TMEM135: variants seen among roughly 807,000 people sequenced by gnomAD.
TMEM135 encodes transmembrane protein 135.
In TMEM135, 30 loss-of-function variants were observed where a neutral mutation model predicts 60.3. That is an observed-to-expected ratio of 0.50 (90% CI 0.37 to 0.68). The LOEUF (loss-of-function observed/expected upper bound fraction) is 0.68, where lower values mean the gene tolerates loss of function less well. TMEM135 is among the 30% of genes least tolerant of loss of function. TMEM135 has a pLI of 0.00. For synonymous variants in TMEM135, 190 were observed against 186.7 expected (o/e 1.02, Z -0.14); for missense variants, 468 against 548.8 (o/e 0.85, Z 1.47).
intron 6 of TMEM135, chr11:87,258,789 C>T: frequency 1.8e-6 from 1 of 547,632 alleles, no homozygotes; most frequent in Non-Finnish European, 3.3e-6. Flanking sequence ...ATCAGCAGTT[C>T]AAACACAATT....
intron 7 of TMEM135, among the ~76,000 whole-genome samples, chr11:87,296,278 A>G (rs1359279715): frequency 6.6e-6 from 1 of 152,366 alleles, no homozygotes; most frequent in African/African-American, 2.4e-5. Flanking sequence ...CAATTGGCAC[A>G]TAGTATATAC....
chr11:87,057,182 A>G (rs1443566718), intron 1 of TMEM135, among the ~76,000 whole-genome samples: 3 of 152,160 alleles, frequency 2.0e-5, no homozygotes, highest in East Asian at 1.9e-4. Context: ...TAACTTAAGT[A>G]TATTTTTATT....
intron 5 of TMEM135, among the ~76,000 whole-genome samples, chr11:87,221,054 T>G (rs1940608518): frequency 6.6e-6 from 1 of 152,200 alleles, no homozygotes; most frequent in Admixed American, 6.5e-5. Context: ...TCATAAAGTT[T>G]AAGGTAATTT....
At chr11:87,120,668 G>C (rs369496039) in intron 4 of TMEM135, among the ~76,000 whole-genome samples, 2 of 151,830 alleles carry the variant, frequency 1.3e-5, no homozygotes, top group Admixed American at 6.6e-5. Flanking sequence ...GGGCTTCACC[G>C]TGTTGGCCAG....
chr11:87,275,528 C>T (rs1164396495), intron 6 of TMEM135, among the ~76,000 whole-genome samples: 1 of 152,052 alleles, frequency 6.6e-6, no homozygotes, highest in Non-Finnish European at 1.5e-5. Flanking sequence ...AAGTATTTGT[C>T]TGGCAGGATA....
At chr11:87,171,958 C>A (rs556160) in intron 5 of TMEM135, among the ~76,000 whole-genome samples, 3 of 152,120 alleles carry the variant, frequency 2.0e-5, no homozygotes, top group Non-Finnish European at 2.9e-5. Flanking sequence ...CAGTAATGCT[C>A]GCTTGCTTGC....
intron 5 of TMEM135, among the ~76,000 whole-genome samples, chr11:87,210,736 T>C (rs901775220): frequency 6.6e-6 from 1 of 152,160 alleles, no homozygotes; most frequent in Admixed American, 6.5e-5. Context: ...TGAATATAGA[T>C]GCAAAAATCC....
intron 6 of TMEM135, among the ~76,000 whole-genome samples, chr11:87,246,671 C>T (rs1432981034): frequency 2.7e-5 from 4 of 148,528 alleles, no homozygotes; most frequent in East Asian, 1.9e-4. Context: ...GCATTCTTCA[C>T]GTAGTTCTCG....
At chr11:87,308,808 CTT>C (rs1051404883) in intron 9 of TMEM135, among the ~76,000 whole-genome samples, 4 of 152,142 alleles carry the variant, frequency 2.6e-5, no homozygotes, top group African/African-American at 9.7e-5. Context: ...CTCCAAATCT[CTT>C]TTGCACTATG....
intron 4 of TMEM135, among the ~76,000 whole-genome samples, chr11:87,142,326 G>A (rs1210984685): frequency 6.6e-6 from 1 of 152,184 alleles, no homozygotes; most frequent in Non-Finnish European, 1.5e-5. Flanking sequence ...GGAGAGCCTC[G>A]CTTGAGGGCA....
chr11:87,148,453 G>A (rs1481016287), intron 4 of TMEM135, among the ~76,000 whole-genome samples: 1 of 152,136 alleles, frequency 6.6e-6, no homozygotes, highest in Non-Finnish European at 1.5e-5. Context: ...ATTGAATTTG[G>A]TATTCTTCTT....
At chr11:87,079,103 T>C (rs1856932370) in intron 3 of TMEM135, among the ~76,000 whole-genome samples, 1 of 152,124 alleles carries the variant, frequency 6.6e-6, no homozygotes, top group African/African-American at 2.4e-5. Flanking sequence ...CCTGCCTGGT[T>C]CAAGCAATTC....
At chr11:87,063,959 C>A (rs1856593686) in intron 1 of TMEM135, among the ~76,000 whole-genome samples, 1 of 151,944 alleles carries the variant, frequency 6.6e-6, no homozygotes, top group African/African-American at 2.4e-5. Context: ...AGTAAAATAC[C>A]CGGGAATGGA....
At chr11:87,198,513 C>G (rs571948956) in intron 5 of TMEM135, among the ~76,000 whole-genome samples, 1 of 147,308 alleles carries the variant, frequency 6.8e-6, no homozygotes, top group Admixed American at 6.9e-5. Flanking sequence ...CCTCTCCTCC[C>G]CGCTCTGTTT....
intron 1 of TMEM135, among the ~76,000 whole-genome samples, chr11:87,056,048 A>C (rs1241235485): frequency 2.6e-5 from 4 of 152,168 alleles, no homozygotes; most frequent in Admixed American, 6.5e-5. Flanking sequence ...CAATGCTTGT[A>C]TATAGGGGGA....
chr11:87,131,911 C>A (rs551031486), intron 4 of TMEM135, among the ~76,000 whole-genome samples: 4 of 151,996 alleles, frequency 2.6e-5, no homozygotes, highest in Non-Finnish European at 4.4e-5. Flanking sequence ...TCAGTGACAG[C>A]GTTAGGTTCT....
chr11:87,054,613 A>G (rs2135119734), intron 1 of TMEM135, among the ~76,000 whole-genome samples: 1 of 152,026 alleles, frequency 6.6e-6, no homozygotes, highest in East Asian at 1.9e-4. Flanking sequence ...TAGCCCTTTG[A>G]CTCATTAGAT....
chr11:87,275,435 G>T (rs10898650), intron 6 of TMEM135, among the ~76,000 whole-genome samples: 55,610 of 151,564 alleles, frequency 0.37, 10,856 homozygotes, highest in Non-Finnish European at 0.43. Flanking sequence ...AAGGGCTCTT[G>T]ACTAACTTTA....
chr11:87,142,525 C>T (rs927749194), intron 4 of TMEM135, among the ~76,000 whole-genome samples: 21 of 152,112 alleles, frequency 1.4e-4, no homozygotes, highest in African/African-American at 4.6e-4. Flanking sequence ...CTATTTGTGT[C>T]GAGAAGTCTG....
Sources: gnomAD v4.1 joint callset for allele counts (sites outside exome capture counted in the v4.1 genomes callset) on GRCh38, gnomAD v4.1.1 for gene constraint, MANE v1.5 for transcripts, NCBI Gene and HGNC (gene_info 2026-07-23, HGNC 2026-07-21) for gene names.